Variants in SRRT observed in about 807,000 individuals in gnomAD.
The protein encoded by SRRT is serrate, RNA effector molecule.
SRRT carries 32 observed loss-of-function variants against 103.2 expected under a neutral mutation model. The observed-to-expected ratio is 0.31, with a 90% CI of 0.23 to 0.42. SRRT has a LOEUF of 0.42. Among genes scored for constraint, SRRT ranks in the 10% least tolerant of loss-of-function variants. The pLI is 1.00. For synonymous variants in SRRT, 525 were observed against 449.0 expected (o/e 1.17, Z -2.14); for missense variants, 986 against 1,207.5 (o/e 0.82, Z 2.72).
chr7:100,888,365 C>T lies in SRRT; in HGVS notation c.2537C>T (p.Pro846Leu). 6.2e-6 allele frequency: 10 copies of T among 1,613,932 alleles called. No homozygotes were observed. Among genetic ancestry groups the T allele is most frequent in the Non-Finnish European group, 8.5e-6 (10 of 1,179,852 alleles). ...GCCTTCCGAGGCCAGGGAGGTTATC[C>T]TGGGAAACCTCGCAACAGGTGAGGA... The part of the protein sequence containing the change: ...YDAFRGQGGY[P>L]GKPRNRMVRG... The change falls in exon 19 of 20, where the codon CCT (proline) becomes CTT (leucine). Residue 846 changes from proline to leucine, a missense_variant. Pro to Leu is a moderately conservative substitution (Grantham distance 98, BLOSUM62 -3). This residue lies in a region of SRRT where 178 missense variants were observed against 189.6 expected (regional missense o/e 0.94). Transcript: ENST00000611405.
intron 13 of SRRT, 142 bp downstream of exon 13, chr7:100,886,577 A>G: frequency 1.0e-6 from 1 of 990,634 alleles, no homozygotes; most frequent in Non-Finnish European, 1.5e-6. Context: ...TGTGGGTAGC[A>G]GCACCTCCAG....
In SRRT at chr7:100,882,139, CG is replaced by C; in HGVS notation, c.487del (p.Val163TrpfsTer59). 1 of 1,614,146 alleles carries C rather than the reference CG, an allele frequency of 6.2e-7. No homozygotes were observed. The highest frequency in any genetic ancestry group is 8.5e-7 in the Non-Finnish European group (1 of 1,180,022). ...GAGTTTCTCCTCTCCCTGGATGACT[CG>C]GTGGATGAGACGGAGGCCGTCAAGC... ...FKEFLLSLDD[S>X]VDETEAVKRY... On this transcript the variant is annotated frameshift_variant, in exon 5 of 20. Transcript: ENST00000611405. LOFTEE classifies it high-confidence loss of function. The surrounding 1 kb of genome is among the most constrained non-coding windows in gnomAD (Gnocchi z 4.2).
At position 100,885,212 on chromosome 7, in the gene SRRT, G is replaced by C; in HGVS notation, c.1160-1G>C. The C allele has an allele frequency of 6.2e-7, 1 of 1,613,310 alleles. No homozygotes were observed. Among genetic ancestry groups the C allele is most frequent in the Non-Finnish European group, 8.5e-7 (1 of 1,179,544 alleles). On this transcript the variant is annotated splice_acceptor_variant, in intron 9 of 19. Transcript: ENST00000611405. LOFTEE classifies it high-confidence loss of function. This position sits in a 1 kb window ranked among gnomAD's most constrained non-coding sequence, Gnocchi z 4.8. Reference sequence around the variant, plus strand: ...TCCTTCCTACCCCCCTTCCTGCCTAGAAGAAGCGCTCAAGGAGAAGGAGAA... The same window carrying C: ...TCCTTCCTACCCCCCTTCCTGCCTACAAGAAGCGCTCAAGGAGAAGGAGAA...
chr7:100,883,450 C>G (rs1236650942), intron 5 of SRRT, among the ~76,000 whole-genome samples: 1 of 152,202 alleles, frequency 6.6e-6, no homozygotes, highest in Non-Finnish European at 1.5e-5. Context: ...AACCTTCCAG[C>G]CCTCTCCTCT....
At chr7:100,883,701 A>G (rs1292641136) in intron 5 of SRRT, among the ~76,000 whole-genome samples, 2 of 152,044 alleles carry the variant, frequency 1.3e-5, no homozygotes, top group Non-Finnish European at 1.5e-5. Flanking sequence ...AGGGCCTGCT[A>G]TTTCCTGAGC....
At chr7:100,888,210 G>A in intron 18 of SRRT, 47 bp from the exon 19 acceptor site, 1 of 1,599,894 alleles carries the variant, frequency 6.3e-7, no homozygotes, top group East Asian at 2.2e-5. Context: ...AACAGAGGAT[G>A]GAATTGAGGA....
In SRRT at chr7:100,882,326, G is replaced by GT. The variant is rs1789651778; in HGVS notation, c.587+89dup. The GT allele has an allele frequency of 5.4e-6, 8 of 1,472,436 alleles. No individual in the cohort carries two copies. The African/African-American group carries it at 8.5e-5, about 16-fold the overall frequency. The allele number at this position is 1,472,436 out of a possible 1,614,324, so 91.2% of individuals were successfully genotyped here. ...GAGCCACAGCCCTGTCCTCTTCCCAGTTTTCCCTGTCCAGAACTTTCTGGG... is the reference window on the plus strand; with the variant it reads ...GAGCCACAGCCCTGTCCTCTTCCCAGTTTTTCCCTGTCCAGAACTTTCTGGG... On this transcript the variant is annotated intron_variant, in intron 5 of 19. Transcript: ENST00000611405. This position sits in a 1 kb window ranked among gnomAD's most constrained non-coding sequence, Gnocchi z 4.2.
intron 2 of SRRT, among the ~76,000 whole-genome samples, chr7:100,877,802 G>A (rs1035967097): frequency 1.3e-5 from 2 of 152,216 alleles, no homozygotes; most frequent in East Asian, 1.9e-4. Flanking sequence ...TTACAGGCCC[G>A]CGTTAGTTGT....
Position 100,882,268 on chromosome 7 carries a change from C to T in SRRT, c.587+27C>T. 6.2e-7 allele frequency: 1 copy of T among 1,608,716 alleles called. No homozygotes were observed. The highest frequency in any genetic ancestry group is 8.5e-7 in the Non-Finnish European group (1 of 1,176,602). ...TGAGTGCCCCTACTTCCCTGGACCT[C>T]TGCCCTGGCATGTCCCCCTGGCCCC... On this transcript the variant is annotated intron_variant, in intron 5 of 19. Transcript: ENST00000611405. This position sits in a 1 kb window ranked among gnomAD's most constrained non-coding sequence, Gnocchi z 4.2.
chr7:100,884,647 A>T (rs1346399746), intron 7 of SRRT, 93 bp from the exon 8 acceptor site: 1 of 1,450,460 alleles, frequency 6.9e-7, no homozygotes, highest in African/African-American at 1.5e-5. Flanking sequence ...GGCTGGGGAA[A>T]ATGAACCTGT....
At position 100,881,770 on chromosome 7, in the gene SRRT, C is replaced by T. The variant is rs755130474; in HGVS notation, c.363C>T (p.His121=). 7 of 1,613,302 alleles carry T rather than the reference C, an allele frequency of 4.3e-6. No individual in the cohort carries two copies. The South Asian group carries it at 5.5e-5, about 13-fold the overall frequency. The part of the protein sequence containing the change: ...PPQPWGHPDV[H]IMQHHVLPIQ... ...AGCCCTGGGGCCACCCTGACGTCCACATCATGCAGCACCATGTCCTGCCTA... is the reference window on the plus strand; with the variant it reads ...AGCCCTGGGGCCACCCTGACGTCCATATCATGCAGCACCATGTCCTGCCTA... The change falls in exon 4 of 20, where the codon CAC becomes CAT. Residue 121 remains histidine, a synonymous_variant. Transcript: ENST00000611405.
chr7:100,877,818 G>A (rs983679095), intron 2 of SRRT, among the ~76,000 whole-genome samples: 1 of 152,102 alleles, frequency 6.6e-6, no homozygotes, highest in African/African-American at 2.4e-5. Flanking sequence ...GTTGTCTTGA[G>A]CAAGAGTACG....
chr7:100,876,832 G>A (rs1815758888), intron 2 of SRRT, among the ~76,000 whole-genome samples: 1 of 152,158 alleles, frequency 6.6e-6, no homozygotes, highest in Non-Finnish European at 1.5e-5. Flanking sequence ...GTGTGTCAGG[G>A]ACCCACTGGA....
At chr7:100,881,142 C>CGGGGGGGG (rs57137266) in intron 2 of SRRT, 143 bp from the exon 3 acceptor site, 2 of 544,870 alleles carry the variant, frequency 3.7e-6, no homozygotes, top group South Asian at 2.9e-5. Context: ...TGGCGGGGGG[C>CGGGGGGGG]GGGGGGGGGT....
Position 100,882,343 on chromosome 7 carries a change from C to CT in SRRT, c.587+105dup. 2 of 1,354,458 alleles carry CT rather than the reference C, an allele frequency of 1.5e-6. No homozygotes were observed. The highest frequency in any genetic ancestry group is 4.9e-5 in the East Asian group (2 of 41,004). The allele number at this position is 1,354,458 out of a possible 1,614,324, so 83.9% of individuals were successfully genotyped here. ...TCTTCCCAGTTTTCCCTGTCCAGAA[C>CT]TTTCTGGGGGCGGGGGTCGGGAAGT... On this transcript the variant is annotated intron_variant, in intron 5 of 19. Transcript: ENST00000611405. This position sits in a 1 kb window ranked among gnomAD's most constrained non-coding sequence, Gnocchi z 4.2.
chr7:100,888,259 G>T lies in SRRT; in HGVS notation c.2431G>T (p.Gly811Cys). 1.4e-5 allele frequency: 23 copies of T among 1,607,406 alleles called. No individual in the cohort carries two copies. Among genetic ancestry groups the T allele is most frequent in the Non-Finnish European group, 1.9e-5 (22 of 1,175,256 alleles). The change falls in exon 19 of 20, where the codon GGT becomes TGT. Residue 811 changes from glycine to cysteine, a missense_variant and splice_region_variant. By Grantham distance (159) the Gly-to-Cys change is radical. Around this residue, in one of 6 missense-constraint regions of SRRT, gnomAD observed 178 missense variants for 189.6 expected, o/e 0.94. Transcript: ENST00000611405. ...CTCAACACTGATCTCTGTCATAGCTGGTGCTGTCCGCCCTGCAGTCCCCAC... is the reference window on the plus strand; with the variant it reads ...CTCAACACTGATCTCTGTCATAGCTTGTGCTGTCCGCCCTGCAGTCCCCAC... ...PRPPILGYGA[G>C]AVRPAVPTGG...
Position 100,886,948 on chromosome 7 carries a change from C to T in SRRT, c.1801C>T (p.Arg601Trp), listed in dbSNP as rs201528871. 6.8e-6 allele frequency: 11 copies of T among 1,611,340 alleles called. No homozygotes were observed. The highest frequency in any genetic ancestry group is 4.4e-5 in the South Asian group (4 of 90,972). ...GAACCCGGCAGAGATCAACGTGGAG[C>T]GGGATGAGAAGTTGATTAAGGTGCC... Reference protein sequence around the residue: ...EGNPAEINVERDEKLIKVLDK... With the variant: ...EGNPAEINVEWDEKLIKVLDK... The change falls in exon 14 of 20, where the codon CGG (arginine) becomes TGG (tryptophan). Residue 601 changes from arginine (R) to tryptophan (W), a missense_variant. Around this residue, in one of 6 missense-constraint regions of SRRT, gnomAD observed 349 missense variants for 446.9 expected, o/e 0.78. Coordinates refer to ENST00000611405, the MANE Select transcript of SRRT (RefSeq NM_015908.6).
Position 100,884,442 on chromosome 7 carries a change from G to A in SRRT, c.832G>A (p.Gly278Arg). ...GCAGGAGGAGGAGGAGGAGCAGGCA[G>A]GAAAGCCTGGGGAGCCCAGCAAGAA... ...LEQEEEEEQA[G>R]KPGEPSKKEE... The change falls in exon 7 of 20, where the codon GGA becomes AGA. Residue 278 changes from glycine to arginine, a missense_variant. By Grantham distance (125) the Gly-to-Arg change is moderately radical. Coordinates refer to ENST00000611405, the MANE Select transcript of SRRT (RefSeq NM_015908.6). The A allele has an allele frequency of 6.2e-7, 1 of 1,613,660 alleles. No homozygotes were observed.
Position 100,884,356 on chromosome 7 carries a change from C to T in SRRT, c.758-12C>T, listed in dbSNP as rs767770114. The T allele has an allele frequency of 6.2e-7, 1 of 1,613,002 alleles. No individual in the cohort carries two copies. The highest frequency in any genetic ancestry group is 1.7e-5 in the Admixed American group (1 of 59,894). On this transcript the variant is annotated splice_polypyrimidine_tract_variant and intron_variant, in intron 6 of 19. Coordinates refer to ENST00000611405, the MANE Select transcript of SRRT (RefSeq NM_015908.6). ...GCCCTGGGGTCATGACCTCTGTTCC[C>T]TTTGTTGGTAGCCGTGATTAAGATG... is the stretch of plus-strand genomic sequence containing the variant.
Sources: gnomAD v4.1 joint callset for allele counts (sites outside exome capture counted in the v4.1 genomes callset) on GRCh38, gnomAD v4.1.1 for gene constraint, gnomAD v4.1.1 regional missense constraint, Gnocchi (gnomAD v3.1) non-coding constraint, MANE v1.5 for transcripts, NCBI Gene and HGNC (gene_info 2026-07-23, HGNC 2026-07-21) for gene names.